TLN2: variants seen among roughly 807,000 people sequenced by gnomAD.
TLN2 encodes the protein talin 2.
TLN2 carries 118 observed loss-of-function variants against 294.7 expected under a neutral mutation model. The ratio of observed to expected loss-of-function variants is 0.40; its 90% CI spans 0.34 to 0.47. The LOEUF is 0.47. Ranked by LOEUF, TLN2 falls within the 20% of genes least tolerant of loss-of-function variation. The probability of loss-of-function intolerance (pLI) is 0.84; values close to 1 mark genes in which losing one functional copy is unlikely to be tolerated. For synonymous variants in TLN2, 1,431 were observed against 1,304.5 expected (o/e 1.10, Z -2.09); for missense variants, 3,083 against 3,282.2 (o/e 0.94, Z 1.48).
chr15:62,767,319 TTTTTC>T (rs59674357), intron 41 of TLN2, among the ~76,000 whole-genome samples: 146,134 of 149,058 alleles, frequency 0.98, 71,695 homozygotes, highest in Middle Eastern at 1. Flanking sequence ...ATTTCATTTC[TTTTTC>T]TTTTCTTTTC....
intron 11 of TLN2, among the ~76,000 whole-genome samples, chr15:62,676,739 C>T (rs1416936521): frequency 6.6e-6 from 1 of 152,174 alleles, no homozygotes; most frequent in East Asian, 1.9e-4. Flanking sequence ...CTCACCCTCC[C>T]AAGTAGCTGG....
At chr15:62,641,539 C>T (rs575765744) in intron 3 of TLN2, among the ~76,000 whole-genome samples, 2 of 152,136 alleles carry the variant, frequency 1.3e-5, no homozygotes, top group Admixed American at 6.5e-5. Context: ...TCGTTTGAAC[C>T]GGCTACTCGG....
intron 21 of TLN2, 144 bp downstream of exon 21, chr15:62,708,940 C>G: frequency 1.0e-6 from 1 of 982,502 alleles, no homozygotes; most frequent in Non-Finnish European, 1.5e-6. Flanking sequence ...CACTGAAGCT[C>G]AGAAAAAGAT....
At chr15:62,394,534 G>A (rs924022082) in intron 1 of TLN2, among the ~76,000 whole-genome samples, 3 of 152,114 alleles carry the variant, frequency 2.0e-5, no homozygotes, top group African/African-American at 7.2e-5. Context: ...ATCTAATAAG[G>A]AGACTAGTTA....
In TLN2 at chr15:62,582,773, G is replaced by C. The variant is rs114602935; in HGVS notation, c.-237-6914G>C. On this transcript the variant is annotated intron_variant, in intron 1 of 58. Transcript: ENST00000636159. ...TTTGTAGGGACTGGTCCCAGTGACTGTGTTACCTGATTTAACCTGTTGGAG... is the reference window on the plus strand; with the variant it reads ...TTTGTAGGGACTGGTCCCAGTGACTCTGTTACCTGATTTAACCTGTTGGAG... Among the ~76,000 whole-genome samples the C allele has an allele frequency of 2.4e-3, 367 of 152,282 alleles. 1 individual carries two copies. The highest frequency in any genetic ancestry group is 8.5e-3 in the African/African-American group (353 of 41,560).
At chr15:62,836,420 A>G (rs1208191288) in intron 57 of TLN2, among the ~76,000 whole-genome samples, 1 of 152,224 alleles carries the variant, frequency 6.6e-6, no homozygotes, top group East Asian at 1.9e-4. Flanking sequence ...GCCCCTAGCC[A>G]GACCACTCAG....
intron 3 of TLN2, among the ~76,000 whole-genome samples, chr15:62,641,922 G>A (rs1318963965): frequency 6.6e-6 from 1 of 152,218 alleles, no homozygotes; most frequent in Admixed American, 6.5e-5. Context: ...CTCTGCTGGA[G>A]CTGAACTTGT....
At chr15:62,619,571 T>C (rs2048600387) in intron 3 of TLN2, among the ~76,000 whole-genome samples, 1 of 152,202 alleles carries the variant, frequency 6.6e-6, no homozygotes, top group Non-Finnish European at 1.5e-5. Context: ...TGACCTTATT[T>C]GGAAATAGTT....
At chr15:62,823,803 G>C (rs182327501) in intron 54 of TLN2, among the ~76,000 whole-genome samples, 58 of 152,282 alleles carry the variant, frequency 3.8e-4, no homozygotes, top group African/African-American at 1.3e-3. Flanking sequence ...TGCATGTGCT[G>C]ACAGTATTGT....
intron 52 of TLN2, among the ~76,000 whole-genome samples, chr15:62,816,310 A>G (rs1355730891): frequency 6.6e-6 from 1 of 152,218 alleles, no homozygotes; most frequent in African/African-American, 2.4e-5. Flanking sequence ...GCAGGACAAA[A>G]AGCCGCTACT....
chr15:62,536,017 A>G (rs2041331739), intron 1 of TLN2, among the ~76,000 whole-genome samples: 1 of 152,212 alleles, frequency 6.6e-6, no homozygotes, highest in Non-Finnish European at 1.5e-5. Flanking sequence ...GCTCCTTGGA[A>G]TAAACATTCG....
At chr15:62,456,641 A>G (rs534719740) in intron 1 of TLN2, among the ~76,000 whole-genome samples, 20 of 152,382 alleles carry the variant, frequency 1.3e-4, no homozygotes, top group African/African-American at 4.8e-4. Context: ...TAGGAGACAC[A>G]GAGCTGAGTA....
chr15:62,810,233 T>A (rs1445969529), intron 52 of TLN2, among the ~76,000 whole-genome samples: 1 of 152,150 alleles, frequency 6.6e-6, no homozygotes, highest in African/African-American at 2.4e-5. Flanking sequence ...TGGACGAAGT[T>A]GCAGTTAGAA....
At chr15:62,632,859 C>T (rs916413100) in intron 3 of TLN2, among the ~76,000 whole-genome samples, 15 of 151,912 alleles carry the variant, frequency 9.9e-5, no homozygotes, top group African/African-American at 3.1e-4. Context: ...GATGGAGGAG[C>T]GAACTGACAA....
chr15:62,625,381 G>A (rs2049191359), intron 3 of TLN2, among the ~76,000 whole-genome samples: 1 of 152,186 alleles, frequency 6.6e-6, no homozygotes, highest in Admixed American at 6.5e-5. Context: ...TCTGCTGGCT[G>A]CAGTGTAAGC....
intron 1 of TLN2, among the ~76,000 whole-genome samples, chr15:62,561,158 G>C (rs979230635): frequency 6.6e-6 from 1 of 152,226 alleles, no homozygotes; most frequent in African/African-American, 2.4e-5. Context: ...TTGAGTGGCG[G>C]GAATAATAGG....
At chr15:62,661,984 C>A (rs2053897475) in intron 9 of TLN2, among the ~76,000 whole-genome samples, 1 of 152,014 alleles carries the variant, frequency 6.6e-6, no homozygotes, top group African/African-American at 2.4e-5. Context: ...GACTGTATTG[C>A]AAAAATTTCA....
intron 1 of TLN2, among the ~76,000 whole-genome samples, chr15:62,459,214 G>A (rs1389816240): frequency 1.3e-5 from 2 of 151,646 alleles, no homozygotes; most frequent in Non-Finnish European, 2.9e-5. Context: ...GTTGGCCAGG[G>A]TGGTCTCGAT....
rs770492664 is a variant in TLN2 at position 62,739,344 on chromosome 15, A to C, written c.3688-4A>C. 3.1e-6 allele frequency: 5 copies of C among 1,611,652 alleles called. No homozygotes were observed. In the Admixed American group the frequency reaches 8.3e-5, roughly 27 times the overall value. On this transcript the variant is annotated splice_region_variant and splice_polypyrimidine_tract_variant and intron_variant, in intron 30 of 58. Transcript: ENST00000636159. ...TCATGGGGTGTGCCGTCTGTTCCCC[A>C]CAGCTACCTCCAAGCACGAAGCCTT... is the stretch of plus-strand genomic sequence containing the variant.
Sources: gnomAD v4.1 joint callset for allele counts (sites outside exome capture counted in the v4.1 genomes callset) on GRCh38, gnomAD v4.1.1 for gene constraint, MANE v1.5 for transcripts, NCBI Gene and HGNC (gene_info 2026-07-23, HGNC 2026-07-21) for gene names.